The following ACCSL variants were observed in gnomAD, a reference collection of about 807,000 sequenced individuals.
The protein encoded by ACCSL is 1-aminocyclopropane-1-carboxylate synthase homolog (inactive) like, also known as probable inactive 1-aminocyclopropane-1-carboxylate synthase-like protein 2.
ACCSL carries 55 observed loss-of-function variants against 61.7 expected under a neutral mutation model. That is an observed-to-expected ratio of 0.89 (90% CI 0.72 to 1.12). ACCSL has a LOEUF of 1.12. Ranked by LOEUF, ACCSL falls within the 50% of genes most tolerant of loss-of-function variation. ACCSL has a pLI of 0.00. For missense variants in ACCSL, 632 were observed against 698.0 expected, an observed-to-expected ratio of 0.91 and a Z score of 1.07; for synonymous variants, 258 against 264.3, an observed-to-expected ratio of 0.98 and a Z score of 0.23.
intron 3 of ACCSL, among the ~76,000 whole-genome samples, 195 bp from the exon 4 acceptor site, chr11:44,051,140 C>A (rs1952635498): frequency 1.3e-5 from 2 of 152,200 alleles, no homozygotes; most frequent in African/African-American, 4.8e-5. Context: ...TGTGCCCGGC[C>A]AAGGCCTAAG....
At chr11:44,058,483 G>A in intron 12 of ACCSL, 24 bp downstream of exon 12, 1 of 1,614,150 alleles carries the variant, frequency 6.2e-7, no homozygotes, top group Middle Eastern at 1.6e-4. Flanking sequence ...ATGAGGACAG[G>A]TGTTCTTGGG....
the ACCSL span, among the ~76,000 whole-genome samples, chr11:44,004,659 G>A: frequency 6.6e-6 from 1 of 152,178 alleles, no homozygotes; most frequent in East Asian, 1.9e-4. Context: ...CAAGTAGTGG[G>A]TAAATGACTC....
the ACCSL span, among the ~76,000 whole-genome samples, chr11:43,956,426 AT>A: frequency 8.3e-4 from 125 of 149,710 alleles, no homozygotes; most frequent in Middle Eastern, 3.4e-3. Flanking sequence ...CACTGCTACA[AT>A]TTTTTTTTTT....
At position 44,059,924 on chromosome 11, in the gene ACCSL, G is replaced by A. The variant is rs1329392963; in HGVS notation, c.*4G>A. 6.8e-6 allele frequency: 11 copies of A among 1,612,828 alleles called. No individual in the cohort carries two copies. Among genetic ancestry groups the A allele is most frequent in the East Asian group, 2.2e-5 (1 of 44,830 alleles). ...GGAGGATGCAATGAGGGAGTAGGCC[G>A]TCTGCCTCCCAACCAGCAGTTCCAG... On this transcript the variant is annotated 3_prime_UTR_variant, in exon 14 of 14. Transcript: ENST00000378832.
the ACCSL span, among the ~76,000 whole-genome samples, chr11:44,002,544 CA>C: frequency 7.2e-5 from 11 of 152,292 alleles, 1 homozygote; most frequent in African/African-American, 2.6e-4. Context: ...CTCAGGGTTT[CA>C]CCACTCACTT....
At chr11:43,954,354 C>T in the ACCSL span, among the ~76,000 whole-genome samples, 65 of 152,254 alleles carry the variant, frequency 4.3e-4, no homozygotes, top group Non-Finnish European at 2.4e-4. Context: ...GAGCTTTCTC[C>T]TGCAGAGAGA....
chr11:44,025,613 G>C, the ACCSL span, among the ~76,000 whole-genome samples: 3 of 146,006 alleles, frequency 2.1e-5, no homozygotes, highest in Admixed American at 6.8e-5. Flanking sequence ...TCTTTGAACT[G>C]TTTTTCATAT....
the ACCSL span, among the ~76,000 whole-genome samples, chr11:43,949,370 A>G: frequency 6.6e-6 from 1 of 152,206 alleles, no homozygotes; most frequent in African/African-American, 2.4e-5. Context: ...GAATAAGCAC[A>G]GAGTGGCCTC....
chr11:43,971,585 T>A, the ACCSL span: 5 of 152,152 alleles, frequency 3.3e-5, no homozygotes, highest in East Asian at 1.9e-4. Flanking sequence ...TCCTACTATG[T>A]CATGTGAGTG....
upstream of ACCSL, among the ~76,000 whole-genome samples, chr11:44,043,750 G>C (rs921625011): frequency 6.6e-6 from 1 of 152,068 alleles, no homozygotes; most frequent in Non-Finnish European, 1.5e-5. Context: ...ATTCCAGAAA[G>C]CTTCTTCAGC....
the ACCSL span, among the ~76,000 whole-genome samples, chr11:44,025,446 C>T: frequency 0.17 from 26,381 of 151,934 alleles, 2,379 homozygotes; most frequent in East Asian, 0.29. Context: ...TTTATTTTAA[C>T]ATAACTTTGT....
At chr11:43,989,007 C>G in the ACCSL span, among the ~76,000 whole-genome samples, 1 of 152,140 alleles carries the variant, frequency 6.6e-6, no homozygotes. Context: ...AAGATTGGTC[C>G]TCCCTGGGTT....
the ACCSL span, among the ~76,000 whole-genome samples, chr11:43,988,670 T>A: frequency 1.2e-3 from 184 of 151,776 alleles, 7 homozygotes; most frequent in South Asian, 0.037. Flanking sequence ...TGTCACCTAC[T>A]TAAGCAAGCA....
At chr11:43,981,708 G>T in the ACCSL span, among the ~76,000 whole-genome samples, 14,365 of 152,090 alleles carry the variant, frequency 0.094, 704 homozygotes, top group South Asian at 0.11. Context: ...GAAGCTCTAG[G>T]GACCCTTTGC....
At chr11:43,979,495 C>T in the ACCSL span, among the ~76,000 whole-genome samples, 12 of 152,116 alleles carry the variant, frequency 7.9e-5, no homozygotes, top group Non-Finnish European at 1.6e-4. Context: ...AGAGTTTAGA[C>T]CACCTAAGGT....
chr11:43,952,737 C>A, the ACCSL span, among the ~76,000 whole-genome samples: 4 of 152,204 alleles, frequency 2.6e-5, no homozygotes, highest in Non-Finnish European at 4.4e-5. Context: ...AAGCTCCCGG[C>A]CAAATAAAGC....
At chr11:43,973,832 T>G in the ACCSL span, 1 of 152,186 alleles carries the variant, frequency 6.6e-6, no homozygotes, top group African/African-American at 2.4e-5. Flanking sequence ...TGTTTTTCAT[T>G]TATTAAATGC....
the ACCSL span, among the ~76,000 whole-genome samples, chr11:43,939,552 G>A: frequency 7.7e-6 from 1 of 129,774 alleles, no homozygotes; most frequent in East Asian, 2.6e-4. Context: ...CAACACATTT[G>A]CCTGTGTGTC....
the ACCSL span, among the ~76,000 whole-genome samples, chr11:44,026,757 T>C: frequency 6.6e-6 from 1 of 152,136 alleles, no homozygotes; most frequent in Non-Finnish European, 1.5e-5. Flanking sequence ...GAGATGGAGT[T>C]TCACTCTTGT....
Sources: allele counts gnomAD v4.1 joint callset (sites outside exome capture counted in the v4.1 genomes callset), GRCh38; gene constraint gnomAD v4.1.1; transcripts MANE v1.5; gene names NCBI Gene and HGNC (gene_info 2026-07-23, HGNC 2026-07-21).